WDR1: variants seen among roughly 807,000 people sequenced by gnomAD.
The protein encoded by WDR1 is WD repeat-containing protein 1.
WDR1 carries 21 observed loss-of-function variants against 71.9 expected under a neutral mutation model. The observed-to-expected ratio is 0.29, with a 90% CI of 0.21 to 0.42. WDR1 has a LOEUF of 0.42. Among genes scored for constraint, WDR1 ranks in the 10% least tolerant of loss-of-function variants. The pLI, the probability that WDR1 is intolerant of heterozygous loss-of-function variation, is 1.00. For missense variants in WDR1, 696 were observed against 824.5 expected, an observed-to-expected ratio of 0.84 and a Z score of 1.91; for synonymous variants, 424 against 347.4, an observed-to-expected ratio of 1.22 and a Z score of -2.45.
In WDR1 at chr4:10,081,405, G is replaced by A. The variant is rs376974865; in HGVS notation, c.1236C>T (p.Cys412=). ...CGTATCCCCCGGGGCCGACGGCTACGCACTTTGGCTGAACGTCCAGTTTCA... is the reference window on the plus strand; with the variant it reads ...CGTATCCCCCGGGGCCGACGGCTACACACTTTGGCTGAACGTCCAGTTTCA... ...GVVKLDVQPK[C]VAVGPGGYAV... Residue 412 remains cysteine (C), a synonymous_variant, in exon 11 of 15, where the codon TGC becomes TGT. Transcript: ENST00000499869. The A allele has an allele frequency of 2.3e-5, 37 of 1,613,792 alleles. No homozygotes were observed. Among genetic ancestry groups the A allele is most frequent in the East Asian group, 8.9e-5 (4 of 44,892 alleles).
At chr4:10,077,634 G>A (rs1325178789) in intron 13 of WDR1, 119 bp downstream of exon 13, 2 of 1,462,852 alleles carry the variant, frequency 1.4e-6, no homozygotes, top group Non-Finnish European at 1.8e-6. Flanking sequence ...GCTACTTGTA[G>A]AGGCAAGAAA....
At chr4:10,077,996 G>A in intron 12 of WDR1, 70 bp from the exon 13 acceptor site, 23 of 1,466,962 alleles carry the variant, frequency 1.6e-5, no homozygotes, top group Non-Finnish European at 2.1e-5. Flanking sequence ...TTGTGAAGGG[G>A]GGGTCGAGGG....
intron 2 of WDR1, among the ~76,000 whole-genome samples, chr4:10,107,586 A>C (rs1713098391): frequency 6.6e-6 from 1 of 152,042 alleles, no homozygotes; most frequent in African/African-American, 2.4e-5. Context: ...ACCCTTGAGG[A>C]TAGAACAGGT....
intron 2 of WDR1, among the ~76,000 whole-genome samples, chr4:10,105,618 C>A (rs564326943): frequency 1.3e-5 from 2 of 152,292 alleles, no homozygotes; most frequent in African/African-American, 2.4e-5. Flanking sequence ...ACTGACATCA[C>A]CAAGTGCTGG....
At chr4:10,092,995 C>T in intron 5 of WDR1, 1 of 1,205,946 alleles carries the variant, frequency 8.3e-7, no homozygotes, top group Non-Finnish European at 1.1e-6. Context: ...TCAACGAGCC[C>T]CCCTCCCCAC....
intron 2 of WDR1, 65 bp downstream of exon 2, chr4:10,116,048 A>C: frequency 6.4e-7 from 1 of 1,569,300 alleles, no homozygotes. Flanking sequence ...GTGGAGAGGA[A>C]GGCGAATTAT....
intron 11 of WDR1, among the ~76,000 whole-genome samples, chr4:10,080,533 G>A (rs565961299): frequency 1.4e-4 from 22 of 152,208 alleles, no homozygotes; most frequent in Non-Finnish European, 3.1e-4. Context: ...TGTCCCTAAC[G>A]CAATTAAGTT....
intron 8 of WDR1, 38 bp downstream of exon 8, chr4:10,087,669 C>CA (rs1233063928): frequency 2.6e-6 from 4 of 1,526,812 alleles, no homozygotes; most frequent in African/African-American, 2.8e-5. Flanking sequence ...CTTCCCTGTC[C>CA]ACCCAGCGGG....
chr4:10,106,378 T>G (rs1713016432), intron 2 of WDR1: 1 of 152,316 alleles, frequency 6.6e-6, no homozygotes, highest in Non-Finnish European at 1.5e-5. Context: ...GGCAAGAAAA[T>G]GATCCACTTA....
chr4:10,089,830 T>G (rs12646099), intron 5 of WDR1, among the ~76,000 whole-genome samples: 47,660 of 152,154 alleles, frequency 0.31, 7,890 homozygotes, highest in East Asian at 0.54. Context: ...CCTGCCTGTG[T>G]TTGATTGTGT....
chr4:10,084,335 G>GGCTGCA (rs1263034956), intron 9 of WDR1, 108 bp downstream of exon 9: 6 of 964,084 alleles, frequency 6.2e-6, no homozygotes, highest in Non-Finnish European at 9.7e-6. Flanking sequence ...GTGTGGCTGT[G>GGCTGCA]GCTGCAGCTG....
At chr4:10,095,334 C>T (rs1033682036) in intron 5 of WDR1, among the ~76,000 whole-genome samples, 3 of 152,228 alleles carry the variant, frequency 2.0e-5, no homozygotes, top group African/African-American at 7.2e-5. Context: ...GTTTTAAAAT[C>T]TTTTACTATA....
chr4:10,112,412 C>G (rs935758512), intron 2 of WDR1, among the ~76,000 whole-genome samples: 1 of 152,204 alleles, frequency 6.6e-6, no homozygotes, highest in African/African-American at 2.4e-5. Flanking sequence ...TCTTGGAGCT[C>G]TCTCCTTCTG....
At chr4:10,082,942 A>G in intron 10 of WDR1, 80 bp downstream of exon 10, 1 of 1,521,424 alleles carries the variant, frequency 6.6e-7, no homozygotes, top group Admixed American at 2.0e-5. Context: ...GTCCTCCAGA[A>G]CAGTAACTGC....
chr4:10,112,209 A>G (rs1713423891), intron 2 of WDR1, among the ~76,000 whole-genome samples: 3 of 152,152 alleles, frequency 2.0e-5, no homozygotes, highest in African/African-American at 7.2e-5. Flanking sequence ...CAGTCTTTGC[A>G]CAGAGGTCAT....
intron 5 of WDR1, chr4:10,092,592 G>A (rs764234644): frequency 1.4e-5 from 3 of 209,670 alleles, no homozygotes; most frequent in South Asian, 7.6e-5. Flanking sequence ...GATGCCCCTC[G>A]AGTAGCTCAT....
chr4:10,079,150 C>A, intron 11 of WDR1, 149 bp from the exon 12 acceptor site: 2 of 602,084 alleles, frequency 3.3e-6, no homozygotes, highest in South Asian at 2.0e-5. Context: ...GGGCTCTGAG[C>A]CACACCACCT....
At chr4:10,090,783 C>T (rs904558973) in intron 5 of WDR1, among the ~76,000 whole-genome samples, 6 of 152,238 alleles carry the variant, frequency 3.9e-5, no homozygotes, top group Admixed American at 3.9e-4. Flanking sequence ...CAAGGGGAGT[C>T]CCAGTGCTCC....
chr4:10,096,584 GC>G (rs35302395), intron 5 of WDR1: 94,907 of 152,064 alleles, frequency 0.62, 30,666 homozygotes, highest in Middle Eastern at 0.75. Context: ...TCCTTGGAAA[GC>G]CCCCTCCTGT....
Sources: gnomAD v4.1 joint callset for allele counts (sites outside exome capture counted in the v4.1 genomes callset) on GRCh38, gnomAD v4.1.1 for gene constraint, MANE v1.5 for transcripts, NCBI Gene and HGNC (gene_info 2026-07-23, HGNC 2026-07-21) for gene names.